CNTNAP5: variants seen among roughly 807,000 people sequenced by gnomAD.
The protein encoded by CNTNAP5 is contactin-associated protein-like 5.
CNTNAP5 carries 72 observed loss-of-function variants against 150.2 expected under a neutral mutation model. That is an observed-to-expected ratio of 0.48 (90% CI 0.40 to 0.58). The LOEUF (loss-of-function observed/expected upper bound fraction) is 0.58, where lower values mean the gene tolerates loss of function less well. Ranked by LOEUF, CNTNAP5 falls within the 20% of genes least tolerant of loss-of-function variation. The pLI is 0.00. For synonymous variants in CNTNAP5, 672 were observed against 619.8 expected (o/e 1.08, Z -1.25); for missense variants, 1,636 against 1,626.2 (o/e 1.01, Z -0.10).
intron 19 of CNTNAP5, among the ~76,000 whole-genome samples, chr2:124,801,851 A>T (rs1012053776): frequency 1.1e-4 from 16 of 152,298 alleles, no homozygotes; most frequent in Admixed American, 4.6e-4. Flanking sequence ...ACCTGTGAAA[A>T]TACTAGTGGG....
chr2:124,524,190 A>G, intron 8 of CNTNAP5, 113 bp from the exon 9 acceptor site: 4 of 950,008 alleles, frequency 4.2e-6, no homozygotes, highest in African/African-American at 1.6e-5. Flanking sequence ...CCGAGTGAGG[A>G]GTGGGTTTGC....
At chr2:124,799,865 G>C (rs1034187250) in intron 19 of CNTNAP5, among the ~76,000 whole-genome samples, 1 of 152,166 alleles carries the variant, frequency 6.6e-6, no homozygotes, top group Non-Finnish European at 1.5e-5. Flanking sequence ...GACAGAAATA[G>C]AGACTAGGAT....
chr2:124,213,037 A>T (rs1291319540), intron 1 of CNTNAP5, among the ~76,000 whole-genome samples: 1 of 151,474 alleles, frequency 6.6e-6, no homozygotes, highest in African/African-American at 2.4e-5. Flanking sequence ...ACCGGGTTTC[A>T]CCGTGTTAGC....
chr2:124,776,957 T>A (rs1376854966), intron 17 of CNTNAP5, among the ~76,000 whole-genome samples: 1 of 152,180 alleles, frequency 6.6e-6, no homozygotes. Context: ...TCAATTTTTT[T>A]AGGAAACATT....
chr2:124,149,970 C>T (rs1324969215), intron 1 of CNTNAP5, among the ~76,000 whole-genome samples: 2 of 152,142 alleles, frequency 1.3e-5, no homozygotes, highest in Non-Finnish European at 2.9e-5. Context: ...TAACATCTAT[C>T]CTGGTGGTTA....
intron 1 of CNTNAP5, among the ~76,000 whole-genome samples, chr2:124,114,337 G>T (rs1683375106): frequency 6.6e-6 from 1 of 151,872 alleles, no homozygotes; most frequent in Non-Finnish European, 1.5e-5. Context: ...ACAAGGCTGT[G>T]CTTCTCTAGT....
intron 1 of CNTNAP5, among the ~76,000 whole-genome samples, chr2:124,130,543 G>A (rs1162494255): frequency 1.3e-5 from 2 of 152,024 alleles, no homozygotes; most frequent in African/African-American, 4.8e-5. Context: ...TTCAAAAAAT[G>A]AGGCTTGGCT....
chr2:124,774,794 C>T (rs2104613774), intron 17 of CNTNAP5, among the ~76,000 whole-genome samples: 1 of 152,246 alleles, frequency 6.6e-6, no homozygotes, highest in Non-Finnish European at 1.5e-5. Flanking sequence ...ATTTTTTACC[C>T]TTTCATGCAA....
At chr2:124,836,844 T>C (rs547429155) in intron 19 of CNTNAP5, among the ~76,000 whole-genome samples, 2 of 152,268 alleles carry the variant, frequency 1.3e-5, no homozygotes, top group African/African-American at 4.8e-5. Context: ...ATACCTCGTG[T>C]TTGTATTGCA....
At chr2:124,569,712 T>C (rs1261583963) in intron 11 of CNTNAP5, among the ~76,000 whole-genome samples, 1 of 152,214 alleles carries the variant, frequency 6.6e-6, no homozygotes, top group East Asian at 1.9e-4. Flanking sequence ...CAATGCCCTT[T>C]AGCTCATTTT....
chr2:124,538,836 A>G (rs186601000), intron 10 of CNTNAP5, among the ~76,000 whole-genome samples: 210 of 152,308 alleles, frequency 1.4e-3, no homozygotes, highest in African/African-American at 4.9e-3. Context: ...AAGAATAAAG[A>G]GATTCCTTGG....
chr2:124,538,606 AAAGAAAGG>A (rs1182045496), intron 10 of CNTNAP5, among the ~76,000 whole-genome samples: 2 of 151,708 alleles, frequency 1.3e-5, no homozygotes, highest in Non-Finnish European at 2.9e-5. Context: ...AGGAAGGAAG[AAAGAAAGG>A]AAGAAAGGAA....
At chr2:124,707,672 C>T (rs1160101051) in intron 13 of CNTNAP5, among the ~76,000 whole-genome samples, 2 of 152,148 alleles carry the variant, frequency 1.3e-5, no homozygotes, top group African/African-American at 4.8e-5. Context: ...AAGTCCAGTT[C>T]TGCAGTGGCT....
At chr2:124,664,348 A>G (rs1194424875) in intron 13 of CNTNAP5, among the ~76,000 whole-genome samples, 2 of 151,858 alleles carry the variant, frequency 1.3e-5, no homozygotes, top group Non-Finnish European at 2.9e-5. Flanking sequence ...AAAAAAGGAA[A>G]GAAAAAGCTT....
rs185746626 is a variant in CNTNAP5, at chr2:124,471,051, C to A, written c.919-3688C>A. ...TTTGCTTAGGATTGTCTTGGCTATT[C>A]AAACTCTTTTTTCGTTTCATATAAA... On this transcript the variant is annotated intron_variant, in intron 6 of 23. Transcript: ENST00000682447. 1.0e-3 allele frequency among the ~76,000 whole-genome samples: 159 copies of A among 152,200 alleles called. 1 individual carries two copies. The highest frequency in any genetic ancestry group is 8.6e-3 in the Admixed American group (131 of 15,268).
Position 124,264,389 on chromosome 2 carries a change from T to TACACAC in CNTNAP5, c.381+22035_381+22040dup, listed in dbSNP as rs200429155. On this transcript the variant is annotated intron_variant, in intron 3 of 23. Transcript: ENST00000682447. The stretch of plus-strand genomic sequence containing the variant: ...ACACACACAGGCACACACACACACA[T>TACACAC]ACACACACACACACACACACACACA... Among the ~76,000 whole-genome samples the TACACAC allele has an allele frequency of 3.6e-3, 452 of 126,616 alleles. 3 individuals are homozygous for TACACAC. Among genetic ancestry groups the TACACAC allele is most frequent in the African/African-American group, 0.012 (433 of 35,894 alleles). The allele number at this position is 126,616 out of a possible 152,430, so 83.1% of individuals were successfully genotyped here.
chr2:124,157,946 G>T (rs1047289103), intron 1 of CNTNAP5, among the ~76,000 whole-genome samples: 1 of 152,166 alleles, frequency 6.6e-6, no homozygotes, highest in African/African-American at 2.4e-5. Flanking sequence ...AAAAGGAGGT[G>T]CTTAAGAATA....
intron 1 of CNTNAP5, among the ~76,000 whole-genome samples, chr2:124,054,072 A>G (rs942431539): frequency 1.3e-5 from 2 of 152,196 alleles, no homozygotes; most frequent in African/African-American, 4.8e-5. Context: ...TGTAGATTAG[A>G]CAAGGATCGA....
Position 124,917,494 on chromosome 2 carries a change from CTT to C in CNTNAP5, c.*3208_*3209del, listed in dbSNP as rs1414686826. Among the ~76,000 whole-genome samples the C allele has an allele frequency of 6.6e-6, 1 of 151,912 alleles. No homozygotes were observed. Among genetic ancestry groups the C allele is most frequent in the African/African-American group, 2.4e-5 (1 of 41,356 alleles). On this transcript the variant is annotated 3_prime_UTR_variant, in exon 24 of 24. Transcript: ENST00000682447. ...TCTATAGACATATTTTTATGACTAA[CTT>C]TGCCTCTTCTATTTACCCTCTGCTG...
Sources: gnomAD v4.1 joint callset for allele counts (sites outside exome capture counted in the v4.1 genomes callset) on GRCh38, gnomAD v4.1.1 for gene constraint, MANE v1.5 for transcripts, NCBI Gene and HGNC (gene_info 2026-07-23, HGNC 2026-07-21) for gene names.